MEGF11: variants seen among roughly 807,000 people sequenced by gnomAD.
MEGF11 encodes multiple epidermal growth factor-like domains protein 11.
In MEGF11, 126 loss-of-function variants were observed where a neutral mutation model predicts 146.6. That is an observed-to-expected ratio of 0.86 (90% CI 0.74 to 1.00). The LOEUF (loss-of-function observed/expected upper bound fraction) is 1.00. MEGF11 is among the 50% of genes least tolerant of loss of function. MEGF11 has a pLI of 0.00. For missense variants in MEGF11, 1,509 were observed against 1,521.2 expected, an observed-to-expected ratio of 0.99 and a Z score of 0.13; for synonymous variants, 532 against 583.4, an observed-to-expected ratio of 0.91 and a Z score of 1.27.
chr15:66,068,864 G>C (rs970246931), intron 5 of MEGF11, among the ~76,000 whole-genome samples: 33 of 152,214 alleles, frequency 2.2e-4, no homozygotes, highest in African/African-American at 8.0e-4. Flanking sequence ...GTGGTAATGA[G>C]GCACAATGTA....
chr15:66,002,663 T>C (rs150649145), intron 5 of MEGF11, among the ~76,000 whole-genome samples: 10 of 152,324 alleles, frequency 6.6e-5, no homozygotes, highest in Middle Eastern at 3.4e-3. Context: ...GTTGCAGTAA[T>C]TGAATGTTTT....
At chr15:65,942,056 A>G (rs2080013064) in intron 10 of MEGF11, among the ~76,000 whole-genome samples, 3 of 151,918 alleles carry the variant, frequency 2.0e-5, no homozygotes, top group South Asian at 4.2e-4. Context: ...CTTCCTAGAG[A>G]GAGAACTATC....
chr15:66,225,763 T>G (rs929247542), intron 1 of MEGF11, among the ~76,000 whole-genome samples: 2 of 152,072 alleles, frequency 1.3e-5, no homozygotes, highest in African/African-American at 4.8e-5. Flanking sequence ...AATACATATA[T>G]GCTCACATGA....
intron 5 of MEGF11, among the ~76,000 whole-genome samples, chr15:66,073,829 A>G (rs1396466632): frequency 6.6e-6 from 1 of 152,220 alleles, no homozygotes; most frequent in African/African-American, 2.4e-5. Flanking sequence ...GGTGCTCAAT[A>G]AATATTTGTT....
At chr15:66,077,243 C>G (rs1256318889) in intron 5 of MEGF11, among the ~76,000 whole-genome samples, 3 of 152,198 alleles carry the variant, frequency 2.0e-5, no homozygotes, top group East Asian at 3.8e-4. Context: ...GGTGGGCCTG[C>G]CTGGAGCACC....
At chr15:65,965,613 C>CTTTTTTTTTTTTTTTTTTTTTTTT (rs1186551497) in intron 8 of MEGF11, among the ~76,000 whole-genome samples, 1 of 53,520 alleles carries the variant, frequency 1.9e-5, no homozygotes, top group Non-Finnish European at 3.2e-5. Flanking sequence ...TTTTTTTTTT[C>CTTTTTTTTTTTTTTTTTTTTTTTT]TTTTTTTTTT....
chr15:66,244,016 G>A (rs1044099003), intron 1 of MEGF11, among the ~76,000 whole-genome samples: 8 of 152,282 alleles, frequency 5.3e-5, no homozygotes, highest in African/African-American at 1.2e-4. Flanking sequence ...GCATCAAGTC[G>A]GGGTGTGACT....
rs536717187 is a variant in MEGF11, at chr15:65,945,453, C to A, written c.1287+12094G>T. On this transcript the variant is annotated intron_variant, in intron 10 of 25. Transcript: ENST00000395614. ...GAGGGAGATGGGGTGGGAGGGGGCACCCTGGGGAGCAGTGAGGGCCTGAGG... is the reference window on the plus strand; with the variant it reads ...GAGGGAGATGGGGTGGGAGGGGGCAACCTGGGGAGCAGTGAGGGCCTGAGG... Among the ~76,000 whole-genome samples the A allele has an allele frequency of 5.3e-5, 8 of 152,228 alleles. No homozygotes were observed. The East Asian group carries it at 1.5e-3, about 29-fold the overall frequency.
At chr15:65,905,071 T>C (rs1049699433) in intron 24 of MEGF11, among the ~76,000 whole-genome samples, 1 of 152,186 alleles carries the variant, frequency 6.6e-6, no homozygotes, top group Non-Finnish European at 1.5e-5. Context: ...TTTTGTATGT[T>C]TAGTAGAGAC....
intron 2 of MEGF11, among the ~76,000 whole-genome samples, chr15:66,127,292 G>T (rs1394874898): frequency 6.6e-6 from 1 of 152,202 alleles, no homozygotes; most frequent in Non-Finnish European, 1.5e-5. Context: ...CCTCAACTTT[G>T]TTGGGACACC....
intron 5 of MEGF11, among the ~76,000 whole-genome samples, chr15:66,002,530 C>A (rs141878415): frequency 6.6e-6 from 1 of 152,326 alleles, no homozygotes; most frequent in East Asian, 1.9e-4. Context: ...GCTGTGGACA[C>A]CAATGGACCT....
chr15:66,046,264 C>T (rs184067197), intron 5 of MEGF11, among the ~76,000 whole-genome samples: 2 of 152,308 alleles, frequency 1.3e-5, no homozygotes, highest in Non-Finnish European at 2.9e-5. Context: ...TTACTACCTC[C>T]CCCTGCAGCC....
intron 5 of MEGF11, among the ~76,000 whole-genome samples, chr15:66,039,435 A>G (rs1411413221): frequency 1.3e-5 from 2 of 152,190 alleles, no homozygotes; most frequent in Non-Finnish European, 2.9e-5. Flanking sequence ...GAGAGTGGAT[A>G]TGTGCATTTG....
At chr15:66,205,114 A>T (rs1339725237) in intron 1 of MEGF11, among the ~76,000 whole-genome samples, 1 of 152,092 alleles carries the variant, frequency 6.6e-6, no homozygotes. Context: ...GGACTAAGAA[A>T]GGGGCAGCTT....
intron 1 of MEGF11, among the ~76,000 whole-genome samples, chr15:66,144,236 G>A (rs567515478): frequency 6.6e-6 from 1 of 152,208 alleles, no homozygotes; most frequent in South Asian, 2.1e-4. Context: ...ACTAGGTGTG[G>A]GTGGAGCTGG....
intron 10 of MEGF11, among the ~76,000 whole-genome samples, chr15:65,943,602 T>G (rs1480796422): frequency 6.6e-6 from 1 of 152,220 alleles, no homozygotes; most frequent in African/African-American, 2.4e-5. Flanking sequence ...TTGGGCCTGC[T>G]GTCCCAGTGT....
intron 1 of MEGF11, among the ~76,000 whole-genome samples, chr15:66,211,410 GC>G (rs1314267604): frequency 6.6e-6 from 1 of 151,712 alleles, no homozygotes; most frequent in Non-Finnish European, 1.5e-5. Flanking sequence ...TGTAGTCCCA[GC>G]TACTCAGGAG....
intron 1 of MEGF11, among the ~76,000 whole-genome samples, chr15:66,210,138 A>G (rs954147678): frequency 2.0e-5 from 3 of 152,254 alleles, no homozygotes; most frequent in Middle Eastern, 3.4e-3. Flanking sequence ...GAAATGTTCT[A>G]TATTTTGACT....
rs1330928665 is a variant in MEGF11 at position 65,980,656 on chromosome 15, C to T, written c.762+122G>A. On this transcript the variant is annotated intron_variant, in intron 7 of 25. Coordinates refer to ENST00000395614, the MANE Select transcript of MEGF11 (RefSeq NM_001385028.1). ...TCAAGTGATCTGCGGGCCTCGGCCT[C>T]CCAAAGTGCTGGGATTACAGTCACG... 4 of 1,356,676 alleles carry T rather than the reference C, an allele frequency of 2.9e-6. No homozygotes were observed. The African/African-American group carries it at 4.5e-5, about 15-fold the overall frequency. The allele number at this position is 1,356,676 out of a possible 1,614,324, so 84.0% of individuals were successfully genotyped here. A position where few individuals can be genotyped will look rare whatever the true frequency, so the allele number is the denominator to read the frequency against.
Sources: gnomAD v4.1 joint callset for allele counts (sites outside exome capture counted in the v4.1 genomes callset) on GRCh38, gnomAD v4.1.1 for gene constraint, MANE v1.5 for transcripts, NCBI Gene and HGNC (gene_info 2026-07-23, HGNC 2026-07-21) for gene names.